The following KCNAB1 variants were observed in gnomAD, a reference collection of about 807,000 sequenced individuals.
KCNAB1 encodes voltage-gated potassium channel subunit beta-1.
KCNAB1 carries 35 observed loss-of-function variants against 64.6 expected under a neutral mutation model. The observed-to-expected ratio is 0.54, with a 90% CI of 0.41 to 0.72. The LOEUF is 0.72. Ranked by LOEUF, KCNAB1 falls within the 30% of genes least tolerant of loss-of-function variation. The pLI, the probability that KCNAB1 is intolerant of heterozygous loss-of-function variation, is 0.00. For missense variants in KCNAB1, 401 were observed against 512.9 expected (o/e 0.78, Z 2.11); for synonymous variants, 177 against 183.8 (o/e 0.96, Z 0.30).
chr3:156,503,301 T>TG lies in KCNAB1; in HGVS notation c.659-11058dup, dbSNP rs367544420. Among the ~76,000 whole-genome samples the TG allele has an allele frequency of 6.1e-3, 926 of 152,260 alleles. 7 individuals carry two copies. The highest frequency in any genetic ancestry group is 0.013 in the African/African-American group (534 of 41,540). ...AGTCTAGGTGAGAAGCTGGAAAAAC[T>TG]GGGGGTGGTGATAAAAGAATTACAG... On this transcript the variant is annotated intron_variant, in intron 8 of 13. Transcript: ENST00000490337.
At chr3:156,251,430 G>T (rs552951455) in intron 1 of KCNAB1, among the ~76,000 whole-genome samples, 1 of 152,248 alleles carries the variant, frequency 6.6e-6, no homozygotes, top group Non-Finnish European at 1.5e-5. Flanking sequence ...GGCTAAGGTT[G>T]GTACAGACAA....
intron 1 of KCNAB1, among the ~76,000 whole-genome samples, chr3:156,410,580 C>A (rs1714577710): frequency 1.3e-5 from 2 of 152,150 alleles, no homozygotes; most frequent in South Asian, 4.1e-4. Context: ...ATTGCCCATT[C>A]AGAACAGTTC....
intron 8 of KCNAB1, among the ~76,000 whole-genome samples, chr3:156,491,061 G>A (rs983380399): frequency 2.0e-5 from 3 of 152,078 alleles, no homozygotes; most frequent in African/African-American, 7.2e-5. Context: ...GCAAAAAGAT[G>A]ATGGGCAAAC....
chr3:156,532,231 T>C (rs533036464), intron 13 of KCNAB1, among the ~76,000 whole-genome samples: 8 of 152,246 alleles, frequency 5.3e-5, no homozygotes, highest in African/African-American at 1.9e-4. Context: ...CCTGCAGCCA[T>C]ATTCTGGGGA....
chr3:156,488,695 G>T (rs1350853188), intron 8 of KCNAB1, among the ~76,000 whole-genome samples: 1 of 152,086 alleles, frequency 6.6e-6, no homozygotes, highest in Non-Finnish European at 1.5e-5. Context: ...CTTCTCAATA[G>T]CCAACTCCAG....
chr3:156,129,007 C>G (rs948607205), intron 1 of KCNAB1, among the ~76,000 whole-genome samples: 34 of 150,568 alleles, frequency 2.3e-4, no homozygotes, highest in African/African-American at 7.8e-4. Flanking sequence ...TCATAATTAT[C>G]AAGCATTTAT....
At chr3:156,213,502 C>G (rs1013092312) in intron 1 of KCNAB1, among the ~76,000 whole-genome samples, 1 of 152,184 alleles carries the variant, frequency 6.6e-6, no homozygotes, top group Non-Finnish European at 1.5e-5. Flanking sequence ...GAATGAGCCA[C>G]CTTGCTCAGC....
chr3:156,197,185 G>A (rs1338357392), intron 1 of KCNAB1, among the ~76,000 whole-genome samples: 1 of 152,182 alleles, frequency 6.6e-6, no homozygotes, highest in Non-Finnish European at 1.5e-5. Context: ...TTTTTGATAT[G>A]CTGCTGGATT....
rs376073744 is a variant in KCNAB1 at position 156,481,130 on chromosome 3, A to G, written c.658+6310A>G. On this transcript the variant is annotated intron_variant, in intron 8 of 13. Coordinates refer to ENST00000490337, the MANE Select transcript of KCNAB1 (RefSeq NM_172160.3). ...CATCTACAATCACAGTAGCATCCAG[A>G]TGCACTGCATCTCTCTTTAGAAATC... Among the ~76,000 whole-genome samples the G allele has an allele frequency of 1.7e-4, 26 of 152,218 alleles. No homozygotes were observed. In the East Asian group the frequency reaches 2.9e-3, roughly 17 times the overall value.
intron 1 of KCNAB1, among the ~76,000 whole-genome samples, chr3:156,255,402 AAAT>A (rs1300207344): frequency 6.6e-6 from 1 of 152,190 alleles, no homozygotes; most frequent in Admixed American, 6.5e-5. Flanking sequence ...GTGGTGTTCA[AAAT>A]AATGCATGTA....
intron 1 of KCNAB1, among the ~76,000 whole-genome samples, chr3:156,420,491 A>G (rs1377924635): frequency 6.6e-6 from 1 of 152,278 alleles, no homozygotes; most frequent in Non-Finnish European, 1.5e-5. Context: ...CTAATTGCTA[A>G]GTCTAAAGAA....
intron 1 of KCNAB1, among the ~76,000 whole-genome samples, chr3:156,128,206 C>T (rs1713776751): frequency 6.6e-6 from 1 of 152,128 alleles, no homozygotes; most frequent in African/African-American, 2.4e-5. Flanking sequence ...AATCAGTGCT[C>T]CTCTGTAAAA....
intron 1 of KCNAB1, among the ~76,000 whole-genome samples, chr3:156,194,955 G>A (rs2108366701): frequency 6.6e-6 from 1 of 151,722 alleles, no homozygotes; most frequent in South Asian, 2.1e-4. Flanking sequence ...CCCCCAACAG[G>A]CCCGGGTATG....
intron 1 of KCNAB1, among the ~76,000 whole-genome samples, chr3:156,296,463 C>A (rs1576690043): frequency 3.2e-5 from 1 of 31,172 alleles, no homozygotes; most frequent in Admixed American, 2.1e-4. Context: ...ACTTCAACTC[C>A]CCCCCCCCCC....
At chr3:156,538,665 A>ATATATTTTC (rs1719243171), downstream of KCNAB1, 1 of 152,188 alleles carries the variant, frequency 6.6e-6, no homozygotes, top group Non-Finnish European at 1.5e-5. Flanking sequence ...TATATGTAAA[A>ATATATTTTC]CATACACATG....
At chr3:156,131,138 G>T (rs149617886) in intron 1 of KCNAB1, among the ~76,000 whole-genome samples, 121 of 152,316 alleles carry the variant, frequency 7.9e-4, no homozygotes, top group African/African-American at 2.8e-3. Flanking sequence ...TCACTGAATG[G>T]CATGTGCTAA....
At chr3:156,312,713 A>G in intron 1 of KCNAB1, among the ~76,000 whole-genome samples, 1 of 149,784 alleles carries the variant, frequency 6.7e-6, no homozygotes, top group Non-Finnish European at 1.5e-5. Flanking sequence ...CAAAAAAAAA[A>G]AAAAAAAAAA....
Position 156,391,357 on chromosome 3 carries a change from A to G in KCNAB1, c.276-30259A>G, listed in dbSNP as rs111840911. Among the ~76,000 whole-genome samples the G allele has an allele frequency of 1.9e-3, 290 of 152,272 alleles. 2 individuals are homozygous for G. The highest frequency in any genetic ancestry group is 6.7e-3 in the African/African-American group (279 of 41,558). On this transcript the variant is annotated intron_variant, in intron 1 of 13. Coordinates refer to ENST00000490337, the MANE Select transcript of KCNAB1 (RefSeq NM_172160.3). ...TCCTAACATGGTATAAGGGTACTTAATCAATATTTTCATTTGCCCCACTGG... is the reference window on the plus strand; with the variant it reads ...TCCTAACATGGTATAAGGGTACTTAGTCAATATTTTCATTTGCCCCACTGG...
intron 1 of KCNAB1, among the ~76,000 whole-genome samples, chr3:156,201,318 C>T (rs1044599073): frequency 6.6e-6 from 1 of 152,222 alleles, no homozygotes; most frequent in African/African-American, 2.4e-5. Context: ...AATTTTAGAA[C>T]AGCTTCAGAT....
Sources: gnomAD v4.1 joint callset for allele counts (sites outside exome capture counted in the v4.1 genomes callset) on GRCh38, gnomAD v4.1.1 for gene constraint, MANE v1.5 for transcripts, NCBI Gene and HGNC (gene_info 2026-07-23, HGNC 2026-07-21) for gene names.